ELP4: variants seen among roughly 807,000 people sequenced by gnomAD.
ELP4 encodes elongator complex protein 4.
A neutral mutation model predicts 48.9 loss-of-function variants in ELP4; 51 were observed. That is an observed-to-expected ratio of 1.04 (90% CI 0.83 to 1.32). ELP4 has a LOEUF of 1.32. Among genes scored for constraint, ELP4 ranks in the 40% most tolerant of loss-of-function variants. The pLI is 0.00. For missense variants in ELP4, 519 were observed against 514.6 expected, an observed-to-expected ratio of 1.01 and a Z score of -0.08; for synonymous variants, 210 against 189.2, an observed-to-expected ratio of 1.11 and a Z score of -0.90.
chr11:31,682,202 G>A, intron 9 of ELP4: 1 of 593,356 alleles, frequency 1.7e-6, no homozygotes, highest in Non-Finnish European at 2.2e-6. Context: ...ACTTGATACT[G>A]TACTTGATAT....
intron 9 of ELP4, among the ~76,000 whole-genome samples, chr11:31,708,426 A>G (rs566424239): frequency 6.6e-6 from 1 of 152,312 alleles, no homozygotes; most frequent in Non-Finnish European, 1.5e-5. Flanking sequence ...AGTGTATTAT[A>G]CACATTTAAG....
intron 9 of ELP4, among the ~76,000 whole-genome samples, chr11:31,681,368 A>G (rs1946047626): frequency 6.6e-6 from 1 of 152,224 alleles, no homozygotes; most frequent in Admixed American, 6.5e-5. Flanking sequence ...AAACATGCAT[A>G]TCACAGTAAA....
At chr11:31,738,638 A>T (rs981310770) in intron 9 of ELP4, among the ~76,000 whole-genome samples, 9 of 151,624 alleles carry the variant, frequency 5.9e-5, no homozygotes, top group Non-Finnish European at 1.2e-4. Context: ...GGGGAGGTGG[A>T]GGTGGGAGGA....
At chr11:31,612,048 A>G (rs1268588029) in intron 5 of ELP4, among the ~76,000 whole-genome samples, 1 of 152,198 alleles carries the variant, frequency 6.6e-6, no homozygotes, top group East Asian at 1.9e-4. Flanking sequence ...TCAAGGATTT[A>G]AACGGCCAAT....
chr11:31,516,494 T>A (rs1956113529), intron 1 of ELP4, among the ~76,000 whole-genome samples: 1 of 152,186 alleles, frequency 6.6e-6, no homozygotes, highest in Non-Finnish European at 1.5e-5. Context: ...AACCCTTTGT[T>A]CTGATCCATT....
chr11:31,766,693 G>A (rs1452832587), intron 9 of ELP4, among the ~76,000 whole-genome samples: 1 of 151,370 alleles, frequency 6.6e-6, no homozygotes, highest in Non-Finnish European at 1.5e-5. Context: ...AGTGTTACCT[G>A]AAAATAAATA....
At chr11:31,706,132 TATA>T (rs1372019489) in intron 9 of ELP4, among the ~76,000 whole-genome samples, 3 of 152,170 alleles carry the variant, frequency 2.0e-5, no homozygotes, top group Non-Finnish European at 4.4e-5. Flanking sequence ...TAAATTGACA[TATA>T]ATAATTGTAC....
chr11:31,674,952 G>A (rs567553498), intron 9 of ELP4, among the ~76,000 whole-genome samples: 2 of 151,928 alleles, frequency 1.3e-5, no homozygotes, highest in South Asian at 4.1e-4. Flanking sequence ...AAAAAAAAAA[G>A]CACTTGGATT....
intron 4 of ELP4, among the ~76,000 whole-genome samples, chr11:31,597,054 A>G (rs1451619349): frequency 6.6e-6 from 1 of 152,210 alleles, no homozygotes; most frequent in Non-Finnish European, 1.5e-5. Flanking sequence ...GAAAATGTAA[A>G]AAGGTACAAC....
chr11:31,538,764 C>T lies in ELP4; in HGVS notation c.260-898C>T, dbSNP rs934463307. Among the ~76,000 whole-genome samples the T allele has an allele frequency of 4.6e-5, 7 of 152,006 alleles. No homozygotes were observed. In the East Asian group the frequency reaches 1.3e-3, roughly 29 times the overall value. On this transcript the variant is annotated intron_variant, in intron 2 of 9. Transcript: ENST00000640961. ...ATTATTTTCATATATTTTCACGAGG[C>T]ATAGTCTGTAGCTTTCTGTTTCTGT...
Position 31,509,837 on chromosome 11 carries a change from T to G in ELP4, c.53T>G (p.Val18Gly). 1 of 1,614,128 alleles carries G rather than the reference T, an allele frequency of 6.2e-7. No homozygotes were observed. The highest frequency in any genetic ancestry group is 8.5e-7 in the Non-Finnish European group (1 of 1,180,020). Residue 18 changes from valine to glycine, a missense_variant, in exon 1 of 10, where the codon GTG becomes GGG. Transcript: ENST00000640961. ...GSVAASTGSA[V>G]ATASKSNVTS... Reference sequence around the variant, plus strand: ...GTTGCCGCGAGTACTGGGTCTGCAGTGGCGACAGCCAGCAAGAGCAACGTC... The same window carrying G: ...GTTGCCGCGAGTACTGGGTCTGCAGGGGCGACAGCCAGCAAGAGCAACGTC...
At chr11:31,742,373 T>C (rs1218673507) in intron 9 of ELP4, among the ~76,000 whole-genome samples, 1 of 152,140 alleles carries the variant, frequency 6.6e-6, no homozygotes. Context: ...AGGCCATCAT[T>C]CAAATTCAGG....
At chr11:31,684,678 A>G (rs1232479488) in intron 9 of ELP4, among the ~76,000 whole-genome samples, 1 of 152,172 alleles carries the variant, frequency 6.6e-6, no homozygotes, top group Non-Finnish European at 1.5e-5. Flanking sequence ...ACTAGTGCAG[A>G]TGGGGAAGGA....
At chr11:31,567,739 T>C (rs1219841142) in intron 3 of ELP4, among the ~76,000 whole-genome samples, 3 of 152,228 alleles carry the variant, frequency 2.0e-5, no homozygotes, top group Non-Finnish European at 4.4e-5. Context: ...TAAAGTTATG[T>C]TGATACTATA....
chr11:31,575,173 T>G (rs1350951450), intron 3 of ELP4, among the ~76,000 whole-genome samples: 1 of 151,778 alleles, frequency 6.6e-6, no homozygotes, highest in Non-Finnish European at 1.5e-5. Context: ...TTTGATCAAG[T>G]GAAAGAAAGG....
intron 3 of ELP4, among the ~76,000 whole-genome samples, chr11:31,572,953 A>G (rs552423499): frequency 1.3e-5 from 2 of 152,268 alleles, no homozygotes; most frequent in African/African-American, 4.8e-5. Flanking sequence ...GGCTGCAGTG[A>G]GCTGTGTTTG....
chr11:31,780,026 T>C (rs1201544335), intron 9 of ELP4: 3 of 152,242 alleles, frequency 2.0e-5, no homozygotes, highest in Non-Finnish European at 4.4e-5. Flanking sequence ...GATTTGGTTT[T>C]CAAGGTTGAG....
At chr11:31,542,443 G>A (rs1342031517) in intron 3 of ELP4, among the ~76,000 whole-genome samples, 1 of 152,208 alleles carries the variant, frequency 6.6e-6, no homozygotes, top group Non-Finnish European at 1.5e-5. Flanking sequence ...TGAGGCTAGA[G>A]AAAGAACTAC....
Position 31,626,839 on chromosome 11 carries a change from C to G in ELP4, c.654-271C>G, listed in dbSNP as rs917455748. 5.3e-5 allele frequency among the ~76,000 whole-genome samples: 8 copies of G among 151,788 alleles called. No individual in the cohort carries two copies. In the Admixed American group the frequency reaches 5.3e-4, roughly 10 times the overall value. ...AAATCATTAATTTTCTTGGAGGTAA[C>G]TAAGCCTGACATAATTAAGTTATCT... On this transcript the variant is annotated intron_variant, in intron 5 of 9. Coordinates refer to ENST00000640961, the MANE Select transcript of ELP4 (RefSeq NM_019040.5).
Sources: gnomAD v4.1 joint callset for allele counts (sites outside exome capture counted in the v4.1 genomes callset) on GRCh38, gnomAD v4.1.1 for gene constraint, MANE v1.5 for transcripts, NCBI Gene and HGNC (gene_info 2026-07-23, HGNC 2026-07-21) for gene names.